The following HIVEP1 variants were observed in gnomAD, a reference collection of about 807,000 sequenced individuals.
The protein encoded by HIVEP1 is HIVEP zinc finger 1.
A neutral mutation model predicts 180.0 loss-of-function variants in HIVEP1; 36 were observed. The ratio of observed to expected loss-of-function variants is 0.20; its 90% confidence interval spans 0.15 to 0.26. HIVEP1 has a LOEUF of 0.26. Ranked by LOEUF, HIVEP1 falls within the 10% of genes least tolerant of loss-of-function variation. The pLI is 1.00. For synonymous variants in HIVEP1, 1,239 were observed against 1,239.0 expected (o/e 1.00, Z 0.00); for missense variants, 3,143 against 3,268.7 (o/e 0.96, Z 0.94).
chr6:12,091,053 A>G (rs1164639580), intron 3 of HIVEP1, among the ~76,000 whole-genome samples: 1 of 152,072 alleles, frequency 6.6e-6, no homozygotes, highest in Admixed American at 6.6e-5. Flanking sequence ...ATTTTTATAC[A>G]GAAATTAAAA....
chr6:12,154,080 G>A (rs1004061391), intron 7 of HIVEP1, among the ~76,000 whole-genome samples: 5 of 152,206 alleles, frequency 3.3e-5, no homozygotes, highest in African/African-American at 7.2e-5. Context: ...GCTGGGAGGC[G>A]GAGGTTGCAG....
chr6:12,049,202 T>G (rs1306983292), intron 2 of HIVEP1, among the ~76,000 whole-genome samples: 1 of 152,188 alleles, frequency 6.6e-6, no homozygotes, highest in African/African-American at 2.4e-5. Context: ...TTGAAATCTT[T>G]TTGGTACACA....
intron 2 of HIVEP1, among the ~76,000 whole-genome samples, chr6:12,044,039 T>G (rs1769952686): frequency 6.6e-6 from 1 of 152,158 alleles, no homozygotes; most frequent in Non-Finnish European, 1.5e-5. Context: ...TTTTTAAATA[T>G]ACATTGGGAA....
At chr6:12,075,781 C>G (rs1772311998) in intron 2 of HIVEP1, among the ~76,000 whole-genome samples, 1 of 152,190 alleles carries the variant, frequency 6.6e-6, no homozygotes, top group Non-Finnish European at 1.5e-5. Flanking sequence ...GATATCATCT[C>G]ATTCCTATGT....
chr6:12,071,792 A>T (rs1368809197), intron 2 of HIVEP1, among the ~76,000 whole-genome samples: 2 of 152,340 alleles, frequency 1.3e-5, no homozygotes, highest in East Asian at 3.9e-4. Flanking sequence ...TTAGGGTTGT[A>T]TGAGTTCATA....
intron 2 of HIVEP1, among the ~76,000 whole-genome samples, chr6:12,065,001 A>G (rs1378388763): frequency 6.6e-6 from 1 of 152,234 alleles, no homozygotes; most frequent in Non-Finnish European, 1.5e-5. Context: ...TCAGGTTGCT[A>G]AAACATCTCA....
chr6:12,180,481 T>C, the HIVEP1 span, among the ~76,000 whole-genome samples: 1 of 152,258 alleles, frequency 6.6e-6, no homozygotes, highest in East Asian at 1.9e-4. Context: ...TTATACTAAG[T>C]ATTTAAAAAT....
chr6:12,138,200 A>G (rs1758808898), intron 7 of HIVEP1, among the ~76,000 whole-genome samples: 1 of 152,204 alleles, frequency 6.6e-6, no homozygotes, highest in South Asian at 2.1e-4. Flanking sequence ...GTAGATACCT[A>G]GATATTTGCT....
intron 2 of HIVEP1, among the ~76,000 whole-genome samples, chr6:12,034,381 A>C (rs771938325): frequency 6.6e-6 from 1 of 152,188 alleles, no homozygotes; most frequent in African/African-American, 2.4e-5. Context: ...TATTCTTTGC[A>C]GATTGGATAA....
the HIVEP1 span, among the ~76,000 whole-genome samples, chr6:12,207,766 T>TAA: frequency 8.0e-5 from 12 of 149,656 alleles, no homozygotes; most frequent in Middle Eastern, 3.5e-3. Flanking sequence ...ATAATAATAA[T>TAA]TAGCCAGGTG....
chr6:12,124,240 T>C lies in HIVEP1; in HGVS notation c.4445T>C (p.Leu1482Ser), dbSNP rs898054094. The C allele has an allele frequency of 1.2e-6, 2 of 1,614,144 alleles. No homozygotes were observed. The highest frequency in any genetic ancestry group is 1.1e-5 in the South Asian group (1 of 91,084). The stretch of plus-strand genomic sequence containing the variant: ...TTAGCTGAGTTTTCTGCAAATACTT[T>C]GCACTCTCAGACTCAGGTTAAGGAT... ...TSLAEFSANT[L>S]HSQTQVKDLQ... is the part of the protein sequence containing the mutation. Residue 1482 changes from leucine to serine, a missense_variant, in exon 4 of 9, where the codon TTG becomes TCG. Leu to Ser is a moderately radical substitution (Grantham distance 145, BLOSUM62 -2). Around this residue, in one of 12 missense-constraint regions of HIVEP1, gnomAD observed 1,357 missense variants for 1,260.5 expected, o/e 1.08. Transcript: ENST00000379388.
chr6:12,013,555 G>A (rs952425413), intron 1 of HIVEP1, among the ~76,000 whole-genome samples: 1 of 152,166 alleles, frequency 6.6e-6, no homozygotes, highest in African/African-American at 2.4e-5. Context: ...TTTATGCTCC[G>A]GATCCCATGG....
chr6:12,192,803 G>A, the HIVEP1 span, among the ~76,000 whole-genome samples: 1 of 151,804 alleles, frequency 6.6e-6, no homozygotes, highest in South Asian at 2.1e-4. Flanking sequence ...AGCAATGTGA[G>A]ATTGGAGTAA....
At chr6:12,175,479 T>C in the HIVEP1 span, among the ~76,000 whole-genome samples, 300 of 152,320 alleles carry the variant, frequency 2.0e-3, no homozygotes, top group African/African-American at 6.9e-3. Context: ...TATTCAAGTT[T>C]TTCAATAATT....
downstream of HIVEP1, among the ~76,000 whole-genome samples, chr6:12,167,594 GTA>G (rs1491215479): frequency 7.2e-5 from 7 of 97,776 alleles, 3 homozygotes; most frequent in African/African-American, 2.9e-4. Context: ...TATATTACAT[GTA>G]TATATACATG....
chr6:12,017,881 G>A (rs777916051), intron 2 of HIVEP1, among the ~76,000 whole-genome samples: 8 of 152,220 alleles, frequency 5.3e-5, no homozygotes, highest in African/African-American at 7.2e-5. Flanking sequence ...AGTGGATCCC[G>A]CACTGGGGCC....
At chr6:12,033,227 T>A (rs1769069594) in intron 2 of HIVEP1, among the ~76,000 whole-genome samples, 1 of 152,210 alleles carries the variant, frequency 6.6e-6, no homozygotes, top group Non-Finnish European at 1.5e-5. Flanking sequence ...GTTACAATGC[T>A]TGGTAGGTTA....
At chr6:12,187,276 T>A in the HIVEP1 span, among the ~76,000 whole-genome samples, 1 of 152,152 alleles carries the variant, frequency 6.6e-6, no homozygotes, top group African/African-American at 2.4e-5. Flanking sequence ...CATGTTGAAA[T>A]TTGATTCCAA....
chr6:12,083,532 G>A lies in HIVEP1; in HGVS notation c.41-5652G>A, dbSNP rs569633930. On this transcript the variant is annotated intron_variant, in intron 2 of 8. Transcript: ENST00000379388. ...ACTCTCAGAATATGCTGTGAGGACC[G>A]CTGCTGCTCTAGGGTTAGGAAAAGA... Among the ~76,000 whole-genome samples, 65 of 152,214 alleles carry A rather than the reference G, an allele frequency of 4.3e-4. 1 individual carries two copies. The South Asian group carries it at 0.013, about 30-fold the overall frequency.
Sources: allele counts gnomAD v4.1 joint callset (sites outside exome capture counted in the v4.1 genomes callset), GRCh38; gene constraint gnomAD v4.1.1; regional missense constraint gnomAD v4.1.1; transcripts MANE v1.5; gene names NCBI Gene and HGNC (gene_info 2026-07-23, HGNC 2026-07-21).